AKAP3: variants seen among roughly 807,000 people sequenced by gnomAD.
AKAP3 encodes A-kinase anchor protein 3.
Under a neutral mutation model 57.2 loss-of-function variants are expected in AKAP3, and 27 were observed. That is an observed-to-expected ratio of 0.47 (90% CI 0.35 to 0.65). The LOEUF (loss-of-function observed/expected upper bound fraction) is 0.65, where lower values mean the gene tolerates loss of function less well. AKAP3 is among the 30% of genes least tolerant of loss of function. The pLI is 0.01. For synonymous variants in AKAP3, 334 were observed against 392.3 expected (o/e 0.85, Z 1.76); for missense variants, 959 against 1,040.0 (o/e 0.92, Z 1.07).
chr12:4,630,185 T>C (rs1042018472), intron 4 of AKAP3, among the ~76,000 whole-genome samples: 3 of 152,190 alleles, frequency 2.0e-5, no homozygotes, highest in Admixed American at 6.5e-5. Flanking sequence ...AAGTGTCATA[T>C]AGTTACTAGT....
chr12:4,641,434 G>A (rs1168482846), intron 3 of AKAP3, among the ~76,000 whole-genome samples: 1 of 152,110 alleles, frequency 6.6e-6, no homozygotes, highest in African/African-American at 2.4e-5. Context: ...GGCTGGTCTC[G>A]AACTCCTGAC....
intron 3 of AKAP3, among the ~76,000 whole-genome samples, chr12:4,640,955 C>A (rs537784142): frequency 6.6e-6 from 1 of 152,008 alleles, no homozygotes; most frequent in Non-Finnish European, 1.5e-5. Context: ...AATTCCTAGA[C>A]CAGGGCTTAT....
intron 5 of AKAP3, among the ~76,000 whole-genome samples, chr12:4,622,730 A>T (rs1001237138): frequency 3.9e-5 from 6 of 152,256 alleles, no homozygotes; most frequent in Non-Finnish European, 5.9e-5. Context: ...CAAAGATTTC[A>T]TGATGAATAC....
rs202231561 is a variant in AKAP3, at chr12:4,628,147, T to C, written c.755A>G (p.Asp252Gly). 1.1e-4 allele frequency: 176 copies of C among 1,614,124 alleles called. No individual in the cohort carries two copies. The highest frequency in any genetic ancestry group is 1.4e-4 in the Non-Finnish European group (170 of 1,180,006). Residue 252 changes from aspartate (D) to glycine (G), a missense_variant, in exon 5 of 6, where the codon GAT becomes GGT. Transcript: ENST00000228850. Reference sequence around the variant, plus strand: ...GAACCTTCCACCCTCTCTGGCATAATCTCCATTACGAGATTCAAACACTTC... The same window carrying C: ...GAACCTTCCACCCTCTCTGGCATAACCTCCATTACGAGATTCAAACACTTC... ...YKEVFESRNG[D>G]YAREGGRFFP...
chr12:4,632,151 G>C (rs1945505211), intron 4 of AKAP3, among the ~76,000 whole-genome samples: 1 of 152,214 alleles, frequency 6.6e-6, no homozygotes, highest in African/African-American at 2.4e-5. Context: ...TTCTAAGTAA[G>C]ATGGAACACT....
At chr12:4,640,989 C>A (rs532947522) in intron 3 of AKAP3, among the ~76,000 whole-genome samples, 2 of 149,776 alleles carry the variant, frequency 1.3e-5, no homozygotes, top group African/African-American at 4.9e-5. Flanking sequence ...GTGAAAAAGA[C>A]TGGGTAGGTC....
Position 4,626,999 on chromosome 12 carries a change from A to C in AKAP3, c.1903T>G (p.Ser635Ala). The C allele has an allele frequency of 6.2e-7, 1 of 1,614,036 alleles. No individual in the cohort carries two copies. The highest frequency in any genetic ancestry group is 1.1e-5 in the South Asian group (1 of 91,070). ...TCCTCATATAGCCTGGGGGGAGAAG[A>C]CGCCAACGGTCTTTCACACAACTTC... is the stretch of plus-strand genomic sequence containing the variant. ...DRKLCERPLA[S>A]SPPRLYEDDE... The change falls in exon 5 of 6, where the codon TCT (serine) becomes GCT (alanine). Residue 635 changes from serine to alanine, a missense_variant. Transcript: ENST00000228850.
Position 4,625,718 on chromosome 12 carries a change from C to G in AKAP3, c.2406+778G>C, listed in dbSNP as rs1945403979. ...GAGAGAGAGAGAGAGAGAGAGAGAG[C>G]AAGCGAGCGAGAAGGCAGAGAGGAG... is the stretch of plus-strand genomic sequence containing the variant. On this transcript the variant is annotated intron_variant, in intron 5 of 5. Transcript: ENST00000228850. This position sits in a 1 kb window ranked among gnomAD's most constrained non-coding sequence, Gnocchi z 5.4. 8.8e-6 allele frequency among the ~76,000 whole-genome samples: 1 copy of G among 114,124 alleles called. No individual in the cohort carries two copies. Among genetic ancestry groups the G allele is most frequent in the Admixed American group, 8.6e-5 (1 of 11,598 alleles). 74.9% of individuals were successfully genotyped at this position (114,124 alleles called of 152,430 possible).
In AKAP3 at chr12:4,628,040, AG is replaced by A. The variant is rs755005394; in HGVS notation, c.861del (p.Tyr288MetfsTer9). The A allele has an allele frequency of 6.2e-7, 1 of 1,614,116 alleles. No individual in the cohort carries two copies. Among genetic ancestry groups the A allele is most frequent in the South Asian group, 1.1e-5 (1 of 91,078 alleles). On this transcript the variant is annotated frameshift_variant, in exon 5 of 6. Transcript: ENST00000228850. LOFTEE classifies it high-confidence loss of function. The part of the protein sequence containing the change: ...FTASVSEGIM[T>X]YANSVVSDMM... Reference sequence around the variant, plus strand: ...ATATCAGATACCACACTGTTAGCATAGGTCATGATCCCTTCACTAACAGAAG... The same window carrying A: ...ATATCAGATACCACACTGTTAGCATAGTCATGATCCCTTCACTAACAGAAG...
intron 4 of AKAP3, among the ~76,000 whole-genome samples, chr12:4,636,563 A>T (rs1054276723): frequency 6.6e-6 from 1 of 152,212 alleles, no homozygotes; most frequent in Non-Finnish European, 1.5e-5. Flanking sequence ...TCAAAGATCT[A>T]GTTGAAGCAG....
chr12:4,616,109 T>C (rs1945282164), intron 5 of AKAP3, among the ~76,000 whole-genome samples: 1 of 152,230 alleles, frequency 6.6e-6, no homozygotes. Flanking sequence ...GATCTTGCTC[T>C]CTAAGAATTC....
chr12:4,647,940 G>A (rs773401437), intron 1 of AKAP3: 6 of 152,068 alleles, frequency 3.9e-5, no homozygotes, highest in Non-Finnish European at 7.4e-5. Context: ...AGGCCTTTTT[G>A]TCTATCCCAG....
chr12:4,622,631 A>G (rs1945360325), intron 5 of AKAP3, among the ~76,000 whole-genome samples: 1 of 152,214 alleles, frequency 6.6e-6, no homozygotes, highest in African/African-American at 2.4e-5. Context: ...AATCAACTCA[A>G]CATGGATTAA....
chr12:4,617,751 CAA>C (rs3083727), intron 5 of AKAP3, among the ~76,000 whole-genome samples: 34 of 118,408 alleles, frequency 2.9e-4, no homozygotes, highest in Non-Finnish European at 4.0e-4. Context: ...GATTCTGTCT[CAA>C]AAAAAAAAAA....
Position 4,627,916 on chromosome 12 carries a change from A to C in AKAP3, c.986T>G (p.Val329Gly). Residue 329 changes from valine (V) to glycine (G), a missense_variant, in exon 5 of 6, where the codon GTG (valine) becomes GGG (glycine). Transcript: ENST00000228850. ...KKVLLKHAKEVVSDLIDSFLR... is the reference protein window; with the variant it reads ...KKVLLKHAKEGVSDLIDSFLR... ...GAAGGAGTCGATGAGATCCGAGACC[A>C]CCTCTTTTGCATGCTTGAGCAGAAC... 1 of 1,613,878 alleles carries C rather than the reference A, an allele frequency of 6.2e-7. No individual in the cohort carries two copies. The highest frequency in any genetic ancestry group is 8.5e-7 in the Non-Finnish European group (1 of 1,179,956).
chr12:4,625,141 C>A lies in AKAP3; in HGVS notation c.2406+1355G>T, dbSNP rs772908017. ...TCTGTTTCACGGATTGGAAACCCTG[C>A]GTGGAGACAGAGCTTGCCAACGACC... On this transcript the variant is annotated intron_variant, in intron 5 of 5. Transcript: ENST00000228850. The surrounding 1 kb of genome is among the most constrained non-coding windows in gnomAD (Gnocchi z 5.4). Among the ~76,000 whole-genome samples the A allele has an allele frequency of 6.6e-6, 1 of 152,068 alleles. No homozygotes were observed. The highest frequency in any genetic ancestry group is 1.5e-5 in the Non-Finnish European group (1 of 68,006).
chr12:4,618,586 C>T (rs544350446), intron 5 of AKAP3, among the ~76,000 whole-genome samples: 2 of 152,344 alleles, frequency 1.3e-5, no homozygotes, highest in African/African-American at 2.4e-5. Context: ...TCCTGGCCTT[C>T]TGGGTTTGTT....
At chr12:4,619,696 C>T (rs1380792221) in intron 5 of AKAP3, among the ~76,000 whole-genome samples, 1 of 152,120 alleles carries the variant, frequency 6.6e-6, no homozygotes, top group Non-Finnish European at 1.5e-5. Flanking sequence ...AACATATAAC[C>T]ACACAGACTT....
rs1313061603 is a variant in AKAP3 at position 4,628,537 on chromosome 12, T to C, written c.365A>G (p.Asp122Gly). The C allele has an allele frequency of 2.5e-6, 4 of 1,614,080 alleles. No individual in the cohort carries two copies. Among genetic ancestry groups the C allele is most frequent in the African/African-American group, 1.3e-5 (1 of 74,934 alleles). Residue 122 changes from aspartate (D) to glycine (G), a missense_variant, in exon 5 of 6, where the codon GAT becomes GGT. Transcript: ENST00000228850. The stretch of plus-strand genomic sequence containing the variant: ...GCGGTTAGCATAGAAGGAAACTTCA[T>C]CTACTGAACTCCCGTTGCCAAGTTG... ...RAQLGNGSSV[D>G]EVSFYANRLT...
Sources: gnomAD v4.1 joint callset for allele counts (sites outside exome capture counted in the v4.1 genomes callset) on GRCh38, gnomAD v4.1.1 for gene constraint, Gnocchi (gnomAD v3.1) non-coding constraint, MANE v1.5 for transcripts, NCBI Gene and HGNC (gene_info 2026-07-23, HGNC 2026-07-21) for gene names.